The following ADGRL3 variants were observed in gnomAD, a reference collection of about 807,000 sequenced individuals.
ADGRL3 encodes calcium-independent alpha-latrotoxin receptor 3.
ADGRL3 carries 62 observed loss-of-function variants against 153.5 expected under a neutral mutation model. That is an observed-to-expected ratio of 0.40 (90% confidence interval 0.33 to 0.50). ADGRL3 has a LOEUF of 0.50. Among genes scored for constraint, ADGRL3 ranks in the 20% least tolerant of loss-of-function variants. The pLI is 0.47. For synonymous variants in ADGRL3, 710 were observed against 672.5 expected (o/e 1.06, Z -0.86); for missense variants, 1,641 against 1,859.4 (o/e 0.88, Z 2.16).
At chr4:61,761,632 C>A (rs1246861994) in intron 8 of ADGRL3, among the ~76,000 whole-genome samples, 2 of 152,086 alleles carry the variant, frequency 1.3e-5, no homozygotes, top group Non-Finnish European at 2.9e-5. Flanking sequence ...CGTCTCTACA[C>A]AAAATTTTAA....
chr4:61,850,860 A>C (rs989033649), intron 9 of ADGRL3, among the ~76,000 whole-genome samples: 3 of 152,172 alleles, frequency 2.0e-5, no homozygotes, highest in African/African-American at 7.2e-5. Context: ...AGAAAAAATA[A>C]CTTTAAGTAG....
At chr4:61,402,292 A>G (rs1684322510) in intron 2 of ADGRL3, among the ~76,000 whole-genome samples, 1 of 152,142 alleles carries the variant, frequency 6.6e-6, no homozygotes, top group Admixed American at 6.6e-5. Context: ...ATTTACCTGC[A>G]TGAGAAAAGT....
At chr4:61,438,483 A>G (rs538659600) in intron 2 of ADGRL3, among the ~76,000 whole-genome samples, 1 of 151,888 alleles carries the variant, frequency 6.6e-6, no homozygotes, top group Admixed American at 6.6e-5. Context: ...TACACTAAGT[A>G]CTATCAGAAA....
rs543529754 is a variant in ADGRL3 at position 61,359,765 on chromosome 4, GTTAT to G, written c.-239-23352_-239-23349del. On this transcript the variant is annotated intron_variant, in intron 1 of 26. Transcript: ENST00000683033. ...TTGCTCTAAACTCCCCAAAGTTAGGGTTATTTATTTGTTCATTGCTTTATTCCCA... is the reference window on the plus strand; with the variant it reads ...TTGCTCTAAACTCCCCAAAGTTAGGGTTATTTGTTCATTGCTTTATTCCCA... 4.9e-4 allele frequency among the ~76,000 whole-genome samples: 75 copies of G among 152,214 alleles called. No homozygotes were observed. In the East Asian group the frequency reaches 9.5e-3, roughly 19 times the overall value.
At chr4:61,594,348 G>A (rs1406046529) in intron 5 of ADGRL3, among the ~76,000 whole-genome samples, 1 of 152,130 alleles carries the variant, frequency 6.6e-6, no homozygotes, top group Non-Finnish European at 1.5e-5. Flanking sequence ...TTTCCTGGAT[G>A]TTGTTGATAC....
At chr4:61,549,846 T>C (rs1170450529) in intron 4 of ADGRL3, among the ~76,000 whole-genome samples, 1 of 152,022 alleles carries the variant, frequency 6.6e-6, no homozygotes, top group Non-Finnish European at 1.5e-5. Context: ...ATAATGTGAA[T>C]ATTTAAGAAG....
chr4:61,504,283 CTG>C (rs2152838564), intron 3 of ADGRL3, among the ~76,000 whole-genome samples: 1 of 152,316 alleles, frequency 6.6e-6, no homozygotes, highest in East Asian at 1.9e-4. Flanking sequence ...GTGTGAAGCA[CTG>C]TACCCAGCCC....
intron 5 of ADGRL3, among the ~76,000 whole-genome samples, chr4:61,637,429 G>A (rs987389961): frequency 6.6e-6 from 1 of 152,108 alleles, no homozygotes; most frequent in East Asian, 1.9e-4. Context: ...GTTTGGTACT[G>A]CATTACAGCA....
intron 1 of ADGRL3, among the ~76,000 whole-genome samples, chr4:61,240,119 G>T (rs142146858): frequency 6.6e-6 from 1 of 152,098 alleles, no homozygotes; most frequent in Admixed American, 6.6e-5. Context: ...TTGGTGTCTG[G>T]TGAGGGTTAC....
rs539910037 is a variant in ADGRL3, at chr4:61,303,098, G to A, written c.-239-80026G>A. Among the ~76,000 whole-genome samples, 17 of 152,270 alleles carry A rather than the reference G, an allele frequency of 1.1e-4. No homozygotes were observed. The South Asian group carries it at 3.5e-3, about 32-fold the overall frequency. ...TTAATGAGTAGAAATATCAACTCAT[G>A]TGACTATCCAAATTTAGAACCATTG... On this transcript the variant is annotated intron_variant, in intron 1 of 26. Coordinates refer to ENST00000683033, the MANE Select transcript of ADGRL3 (RefSeq NM_001387552.1).
chr4:61,845,636 G>A (rs2098107958), intron 9 of ADGRL3, among the ~76,000 whole-genome samples: 1 of 151,538 alleles, frequency 6.6e-6, no homozygotes, highest in Non-Finnish European at 1.5e-5. Flanking sequence ...AGAGTGCTGA[G>A]ATTATAGGTG....
chr4:62,007,356 T>TATATATATATATATA (rs1553908564), intron 21 of ADGRL3, among the ~76,000 whole-genome samples: 6 of 30,912 alleles, frequency 1.9e-4, no homozygotes, highest in African/African-American at 7.4e-4. Flanking sequence ...GACAAAATGA[T>TATATATATATATATA]TATATATATA....
intron 5 of ADGRL3, among the ~76,000 whole-genome samples, chr4:61,623,727 A>G (rs1579923990): frequency 6.6e-6 from 1 of 152,142 alleles, no homozygotes; most frequent in African/African-American, 2.4e-5. Context: ...TGAGGAAGGC[A>G]AACATTCAGA....
chr4:61,613,482 G>A (rs1348495548), intron 5 of ADGRL3, among the ~76,000 whole-genome samples: 1 of 152,144 alleles, frequency 6.6e-6, no homozygotes, highest in African/African-American at 2.4e-5. Context: ...AGTGGCTCAC[G>A]CCTGTAATCC....
intron 19 of ADGRL3, among the ~76,000 whole-genome samples, chr4:61,992,379 A>G (rs1264869023): frequency 6.6e-6 from 1 of 152,194 alleles, no homozygotes; most frequent in Non-Finnish European, 1.5e-5. Context: ...CACCCCACAT[A>G]ACGTTCTTCT....
At chr4:61,398,654 T>G (rs1413802782) in intron 2 of ADGRL3, among the ~76,000 whole-genome samples, 1 of 151,536 alleles carries the variant, frequency 6.6e-6, no homozygotes, top group African/African-American at 2.4e-5. Flanking sequence ...TTTTTTATCC[T>G]CCCACTTCAC....
At chr4:61,624,188 A>G (rs577313812) in intron 5 of ADGRL3, among the ~76,000 whole-genome samples, 1 of 152,294 alleles carries the variant, frequency 6.6e-6, no homozygotes, top group South Asian at 2.1e-4. Flanking sequence ...TGAATGGCAT[A>G]GTGAAAAGAG....
chr4:61,822,697 T>G (rs2097766783), intron 9 of ADGRL3, among the ~76,000 whole-genome samples: 1 of 152,180 alleles, frequency 6.6e-6, no homozygotes. Flanking sequence ...ATACTGAGAA[T>G]AATTATCCCA....
intron 2 of ADGRL3, among the ~76,000 whole-genome samples, chr4:61,467,817 T>C (rs1225762826): frequency 6.6e-6 from 1 of 152,160 alleles, no homozygotes; most frequent in Admixed American, 6.6e-5. Context: ...ACTTGTTCTT[T>C]TCTTCAAACA....
Sources: gnomAD v4.1 joint callset for allele counts (sites outside exome capture counted in the v4.1 genomes callset) on GRCh38, gnomAD v4.1.1 for gene constraint, MANE v1.5 for transcripts, NCBI Gene and HGNC (gene_info 2026-07-23, HGNC 2026-07-21) for gene names.